The following AFAP1 variants were observed in gnomAD, a reference collection of about 807,000 sequenced individuals.
The protein encoded by AFAP1 is actin filament-associated protein 1.
A neutral mutation model predicts 93.9 loss-of-function variants in AFAP1; 75 were observed. The observed-to-expected ratio is 0.80, with a 90% CI of 0.66 to 0.97. The LOEUF (loss-of-function observed/expected upper bound fraction) is 0.97, where lower values mean the gene tolerates loss of function less well. AFAP1 is among the 50% of genes least tolerant of loss of function. AFAP1 has a pLI of 0.00. For missense variants in AFAP1, 1,201 were observed against 1,050.8 expected, an observed-to-expected ratio of 1.14 and a Z score of -1.98; for synonymous variants, 517 against 430.7, an observed-to-expected ratio of 1.20 and a Z score of -2.48.
In AFAP1 at chr4:7,778,895, A is replaced by G. The variant is rs372994784; in HGVS notation, c.1783-19T>C. 47 of 1,513,518 alleles carry G rather than the reference A, an allele frequency of 3.1e-5. No homozygotes were observed. In the African/African-American group the frequency reaches 5.0e-4, roughly 16 times the overall value. The allele number at this position is 1,513,518 out of a possible 1,614,324, so 93.8% of individuals were successfully genotyped here. On this transcript the variant is annotated intron_variant, in intron 13 of 17. Coordinates refer to ENST00000420658, the MANE Select transcript of AFAP1 (RefSeq NM_001134647.2). ...CCTTGAGCTGTTGAAATAAACATAT[A>G]AGAACATTAAAAATAAACACAAAGT...
At chr4:7,863,725 T>G (rs1250069273) in intron 3 of AFAP1, among the ~76,000 whole-genome samples, 1 of 152,160 alleles carries the variant, frequency 6.6e-6, no homozygotes, top group African/African-American at 2.4e-5. Context: ...AATAAAGGTA[T>G]GAAGCACTAT....
At chr4:7,925,471 G>A (rs746195309) in intron 1 of AFAP1, among the ~76,000 whole-genome samples, 1 of 152,092 alleles carries the variant, frequency 6.6e-6, no homozygotes, top group Non-Finnish European at 1.5e-5. Context: ...CCAGCACTTT[G>A]GGAGGCCGAG....
At chr4:7,816,869 G>A (rs1314094037) in intron 7 of AFAP1, among the ~76,000 whole-genome samples, 1 of 152,178 alleles carries the variant, frequency 6.6e-6, no homozygotes, top group South Asian at 2.1e-4. Context: ...CTCGGAATTC[G>A]AGGGGCAATC....
chr4:7,826,173 C>T (rs1044880311), intron 6 of AFAP1, among the ~76,000 whole-genome samples: 2 of 152,160 alleles, frequency 1.3e-5, no homozygotes, highest in Non-Finnish European at 2.9e-5. Flanking sequence ...GGCTGGCATA[C>T]CTGTTGACAA....
At chr4:7,927,268 G>A (rs890634838) in intron 1 of AFAP1, among the ~76,000 whole-genome samples, 1 of 152,210 alleles carries the variant, frequency 6.6e-6, no homozygotes, top group African/African-American at 2.4e-5. Flanking sequence ...TAAGGTTTGG[G>A]TGTGCCATCT....
intron 3 of AFAP1, among the ~76,000 whole-genome samples, chr4:7,861,566 C>T (rs1715691331): frequency 6.6e-6 from 1 of 152,194 alleles, no homozygotes; most frequent in Non-Finnish European, 1.5e-5. Flanking sequence ...CTTAAAGTTT[C>T]TCTCCTTTTA....
intron 1 of AFAP1, among the ~76,000 whole-genome samples, chr4:7,897,892 T>C (rs559634753): frequency 6.6e-6 from 1 of 152,286 alleles, no homozygotes; most frequent in East Asian, 1.9e-4. Flanking sequence ...AAACGCACTT[T>C]TGATTCCCCC....
chr4:7,860,310 T>C (rs946298834), intron 3 of AFAP1, among the ~76,000 whole-genome samples: 3 of 152,078 alleles, frequency 2.0e-5, no homozygotes, highest in Admixed American at 1.3e-4. Context: ...GGATTTGGAA[T>C]ATGTGCATTA....
intron 11 of AFAP1, among the ~76,000 whole-genome samples, chr4:7,792,713 C>T (rs1437402621): frequency 1.3e-5 from 2 of 152,308 alleles, no homozygotes; most frequent in Middle Eastern, 3.4e-3. Context: ...CCTCTCATCA[C>T]GCTACGCAGA....
chr4:7,816,614 C>G (rs1228490392), intron 7 of AFAP1, among the ~76,000 whole-genome samples: 1 of 152,166 alleles, frequency 6.6e-6, no homozygotes, highest in East Asian at 1.9e-4. Flanking sequence ...GGGGGACTGT[C>G]ACTATCTCAG....
At chr4:7,768,439 T>G (rs1275679410) in intron 17 of AFAP1, among the ~76,000 whole-genome samples, 2 of 152,164 alleles carry the variant, frequency 1.3e-5, no homozygotes, top group Non-Finnish European at 2.9e-5. Context: ...GGGGGAAAGC[T>G]TATTCCTGGA....
chr4:7,828,122 T>C (rs1295757092), intron 6 of AFAP1, among the ~76,000 whole-genome samples: 4 of 152,136 alleles, frequency 2.6e-5, no homozygotes, highest in Non-Finnish European at 5.9e-5. Flanking sequence ...ACAGTAAACA[T>C]ATTGTGGTTC....
At chr4:7,902,156 T>C (rs985214343) in intron 1 of AFAP1, among the ~76,000 whole-genome samples, 1 of 152,140 alleles carries the variant, frequency 6.6e-6, no homozygotes, top group South Asian at 2.1e-4. Context: ...CTTTCTGAGC[T>C]CAGGATGAAA....
At chr4:7,848,424 G>A (rs1714064478) in intron 4 of AFAP1, among the ~76,000 whole-genome samples, 1 of 152,280 alleles carries the variant, frequency 6.6e-6, no homozygotes, top group South Asian at 2.1e-4. Context: ...CTCTCCGTCT[G>A]AGAGGGAGGT....
intron 1 of AFAP1, among the ~76,000 whole-genome samples, chr4:7,931,539 G>T (rs899088002): frequency 2.7e-5 from 4 of 148,672 alleles, no homozygotes; most frequent in Non-Finnish European, 4.4e-5. Context: ...GCACCACCAC[G>T]CCCAGCATTT....
chr4:7,846,225 T>C (rs1713682343), intron 4 of AFAP1, among the ~76,000 whole-genome samples: 2 of 152,206 alleles, frequency 1.3e-5, no homozygotes, highest in African/African-American at 4.8e-5. Flanking sequence ...TACCCTTGAC[T>C]TGAATGGTGG....
chr4:7,926,040 AC>A (rs1292447985), intron 1 of AFAP1, among the ~76,000 whole-genome samples: 2 of 152,052 alleles, frequency 1.3e-5, no homozygotes, highest in African/African-American at 4.8e-5. Context: ...GCCCCACTTT[AC>A]CCCGAGGGAG....
At chr4:7,918,467 C>T (rs1216475693) in intron 1 of AFAP1, among the ~76,000 whole-genome samples, 1 of 143,986 alleles carries the variant, frequency 6.9e-6, no homozygotes, top group African/African-American at 2.6e-5. Context: ...ACAAACAGGG[C>T]TGCCGGATGA....
intron 6 of AFAP1, among the ~76,000 whole-genome samples, chr4:7,825,097 T>C (rs7440527): frequency 0.2 from 30,506 of 152,198 alleles, 3,183 homozygotes; most frequent in African/African-American, 0.23. Context: ...ATATTTTCAC[T>C]GTTTATTATA....
Sources: gnomAD v4.1 joint callset for allele counts (sites outside exome capture counted in the v4.1 genomes callset) on GRCh38, gnomAD v4.1.1 for gene constraint, MANE v1.5 for transcripts, NCBI Gene and HGNC (gene_info 2026-07-23, HGNC 2026-07-21) for gene names.